RYR2: variants seen among roughly 807,000 people sequenced by gnomAD.
The protein encoded by RYR2 is cardiac muscle ryanodine receptor-calcium release channel.
A neutral mutation model predicts 601.1 loss-of-function variants in RYR2; 227 were observed. That is an observed-to-expected ratio of 0.38 (90% CI 0.34 to 0.42). RYR2 has a LOEUF of 0.42. RYR2 is among the 10% of genes least tolerant of loss of function. RYR2 has a pLI of 1.00. For missense variants in RYR2, 4,646 were observed against 6,156.5 expected (o/e 0.75, Z 8.21); for synonymous variants, 2,223 against 2,175.1 (o/e 1.02, Z -0.61).
intron 25 of RYR2, among the ~76,000 whole-genome samples, chr1:237,546,562 G>GC (rs763583349): frequency 6.6e-6 from 1 of 151,972 alleles, no homozygotes; most frequent in Non-Finnish European, 1.5e-5. Context: ...GTATTTTTTA[G>GC]TAGAGATGGG....
intron 3 of RYR2, among the ~76,000 whole-genome samples, chr1:237,332,480 TCA>T (rs1696845417): frequency 6.6e-6 from 1 of 152,168 alleles, no homozygotes; most frequent in Admixed American, 6.5e-5. Context: ...GTAAACCTTC[TCA>T]GTTATGCTTA....
At chr1:237,251,722 G>C (rs2149275200) in intron 1 of RYR2, among the ~76,000 whole-genome samples, 1 of 152,156 alleles carries the variant, frequency 6.6e-6, no homozygotes, top group Admixed American at 6.5e-5. Flanking sequence ...CATTTTTCTT[G>C]AATTCCAGAT....
chr1:237,097,853 A>G (rs1205033627), intron 1 of RYR2, among the ~76,000 whole-genome samples: 1 of 152,192 alleles, frequency 6.6e-6, no homozygotes, highest in Non-Finnish European at 1.5e-5. Flanking sequence ...CAAGCCTCAT[A>G]TGCTGTGATG....
rs1363663592 is a variant in RYR2, at chr1:237,792,380, TGC to T, written c.13782+59_13782+60del. ...GTGTGTGTGTGTGTGTGTGTGTGTG[TGC>T]GTGTGTGTGTGTGTGCGTGTGTGTG... is the stretch of plus-strand genomic sequence containing the variant. On this transcript the variant is annotated intron_variant, in intron 94 of 104. Transcript: ENST00000366574. 2,284 of 835,894 alleles carry T rather than the reference TGC, an allele frequency of 2.7e-3. 10 individuals are homozygous for T. The highest frequency in any genetic ancestry group is 9.5e-3 in the Admixed American group (366 of 38,660). 51.8% of individuals were successfully genotyped at this position (835,894 alleles called of 1,614,324 possible).
chr1:237,687,411 C>A, intron 62 of RYR2, 44 bp from the exon 63 acceptor site: 1 of 783,470 alleles, frequency 1.3e-6, no homozygotes, highest in Non-Finnish European at 2.0e-6. Flanking sequence ...TTCTACCTTC[C>A]CTTCCCCCTT....
intron 24 of RYR2, among the ~76,000 whole-genome samples, chr1:237,515,245 A>G (rs985488836): frequency 1.3e-5 from 2 of 152,140 alleles, no homozygotes; most frequent in Non-Finnish European, 1.5e-5. Context: ...AGTTTTTACT[A>G]TTTTCCGAAT....
intron 2 of RYR2, 100 bp downstream of exon 2, chr1:237,270,716 A>G (rs1398931869): frequency 2.3e-6 from 3 of 1,289,128 alleles, no homozygotes; most frequent in Non-Finnish European, 2.2e-6. Context: ...AATACATACT[A>G]TATAAATGAA....
intron 57 of RYR2, 51 bp from the exon 58 acceptor site, chr1:237,667,832 A>G: frequency 7.4e-7 from 1 of 1,349,078 alleles, no homozygotes; most frequent in Non-Finnish European, 1.0e-6. Context: ...TTAGAAAGCA[A>G]TATTATCCTT....
At chr1:237,744,958 G>A (rs957717383) in intron 80 of RYR2, among the ~76,000 whole-genome samples, 29 of 151,044 alleles carry the variant, frequency 1.9e-4, no homozygotes, top group Non-Finnish European at 3.4e-4. Context: ...CACCACGCCC[G>A]GCTAAGCTAA....
chr1:237,650,806 C>A (rs1573342530), intron 50 of RYR2, among the ~76,000 whole-genome samples: 1 of 152,296 alleles, frequency 6.6e-6, no homozygotes, highest in East Asian at 1.9e-4. Context: ...AACCAGATGG[C>A]ACTGAGGGAA....
At chr1:237,213,909 C>CTTTTTTTTTTT (rs1682868487) in intron 1 of RYR2, among the ~76,000 whole-genome samples, 4 of 107,340 alleles carry the variant, frequency 3.7e-5, no homozygotes, top group Non-Finnish European at 8.0e-5. Context: ...CTTTTTTTTT[C>CTTTTTTTTTTT]TTTTTCTTTT....
At chr1:237,412,420 C>T (rs939893156) in intron 10 of RYR2, among the ~76,000 whole-genome samples, 1 of 152,048 alleles carries the variant, frequency 6.6e-6, no homozygotes, top group South Asian at 2.1e-4. Context: ...TGGAATTTTT[C>T]AAAGTACTGT....
chr1:237,255,129 T>A (rs1687831479), intron 1 of RYR2, among the ~76,000 whole-genome samples: 1 of 152,184 alleles, frequency 6.6e-6, no homozygotes, highest in Non-Finnish European at 1.5e-5. Flanking sequence ...TTCAGATCAT[T>A]CACAACTGGG....
rs376445522 is a variant in RYR2 at position 237,739,743 on chromosome 1, G to A, written c.11092-2553G>A. On this transcript the variant is annotated intron_variant, in intron 79 of 104. Coordinates refer to ENST00000366574, the MANE Select transcript of RYR2 (RefSeq NM_001035.3). Reference sequence around the variant, plus strand: ...TGTTAGTCAGATTTAAATCCACAATGAAAGTTTCTGGGTTTTGATTCCTTA... The same window carrying A: ...TGTTAGTCAGATTTAAATCCACAATAAAAGTTTCTGGGTTTTGATTCCTTA... 4.9e-4 allele frequency among the ~76,000 whole-genome samples: 74 copies of A among 152,284 alleles called. 1 individual carries two copies. The South Asian group carries it at 0.015, about 30-fold the overall frequency.
chr1:237,773,655 A>T lies in RYR2; in HGVS notation c.11775+7A>T. 1 of 1,610,382 alleles carries T rather than the reference A, an allele frequency of 6.2e-7. No homozygotes were observed. The highest frequency in any genetic ancestry group is 8.5e-7 in the Non-Finnish European group (1 of 1,177,682). On this transcript the variant is annotated splice_region_variant and intron_variant, in intron 87 of 104. Coordinates refer to ENST00000366574, the MANE Select transcript of RYR2 (RefSeq NM_001035.3). ...TCTTACAGAGTATATTCAGGTAAAC[A>T]TTTAAACATGGCTGCTATCTGTAGC...
At chr1:237,696,775 G>A (rs748642675) in intron 63 of RYR2, among the ~76,000 whole-genome samples, 13 of 151,130 alleles carry the variant, frequency 8.6e-5, no homozygotes, top group African/African-American at 1.2e-4. Flanking sequence ...CTGCTTTCCC[G>A]CTCACCTCAC....
At chr1:237,269,327 G>A (rs1478706361) in intron 1 of RYR2, among the ~76,000 whole-genome samples, 1 of 151,504 alleles carries the variant, frequency 6.6e-6, no homozygotes, top group Non-Finnish European at 1.5e-5. Context: ...ATAGGTGTGA[G>A]CCACCGCGCC....
intron 17 of RYR2, among the ~76,000 whole-genome samples, chr1:237,473,152 G>A (rs888952098): frequency 6.6e-6 from 1 of 152,060 alleles, no homozygotes; most frequent in Non-Finnish European, 1.5e-5. Context: ...GGGCGGGTGT[G>A]GTGGCTCACA....
chr1:237,394,103 A>G (rs1702617131), intron 10 of RYR2, among the ~76,000 whole-genome samples: 1 of 152,208 alleles, frequency 6.6e-6, no homozygotes, highest in South Asian at 2.1e-4. Context: ...ACTTGTCTAC[A>G]CTGGGTTTAT....
Sources: gnomAD v4.1 joint callset for allele counts (sites outside exome capture counted in the v4.1 genomes callset) on GRCh38, gnomAD v4.1.1 for gene constraint, MANE v1.5 for transcripts, NCBI Gene and HGNC (gene_info 2026-07-23, HGNC 2026-07-21) for gene names.